The following BRINP3 variants were observed in gnomAD, a reference collection of about 807,000 sequenced individuals.
The protein encoded by BRINP3 is BMP/retinoic acid-inducible neural-specific protein 3.
BRINP3 carries 19 observed loss-of-function variants against 71.0 expected under a neutral mutation model. The ratio of observed to expected loss-of-function variants is 0.27; its 90% CI spans 0.19 to 0.39. The LOEUF (loss-of-function observed/expected upper bound fraction) is 0.39. Ranked by LOEUF, BRINP3 falls within the 10% of genes least tolerant of loss-of-function variation. The probability of loss-of-function intolerance (pLI) is 1.00; values close to 1 mark genes in which losing one functional copy is unlikely to be tolerated. For missense variants in BRINP3, 959 were observed against 940.8 expected, an observed-to-expected ratio of 1.02 and a Z score of -0.25; for synonymous variants, 380 against 337.7, an observed-to-expected ratio of 1.13 and a Z score of -1.37.
At chr1:190,238,946 C>G (rs776607262) in intron 4 of BRINP3, among the ~76,000 whole-genome samples, 1 of 152,114 alleles carries the variant, frequency 6.6e-6, no homozygotes, top group Non-Finnish European at 1.5e-5. Context: ...TAGGTTTAAT[C>G]GACTTGCAGT....
At chr1:190,156,714 C>G (rs187891391) in intron 7 of BRINP3, among the ~76,000 whole-genome samples, 1 of 151,326 alleles carries the variant, frequency 6.6e-6, no homozygotes. Flanking sequence ...AGGAATTACG[C>G]TAAATTAAAA....
chr1:190,422,402 A>T lies in BRINP3; in HGVS notation c.236+32253T>A, dbSNP rs114216312. On this transcript the variant is annotated intron_variant, in intron 2 of 7. Transcript: ENST00000367462. ...ATTCTCTATGAACCTCAGAAAAGAC[A>T]TCAGAAAATTCAATCCTGTATTATT... Among the ~76,000 whole-genome samples, 106 of 151,998 alleles carry T rather than the reference A, an allele frequency of 7.0e-4. 5 individuals carry two copies. The highest frequency in any genetic ancestry group is 6.8e-3 in the Middle Eastern group (2 of 294).
At chr1:190,287,864 G>GA (rs1262741231) in intron 2 of BRINP3, among the ~76,000 whole-genome samples, 1 of 137,198 alleles carries the variant, frequency 7.3e-6, no homozygotes, top group Non-Finnish European at 1.7e-5. Flanking sequence ...TTAGGGCTTT[G>GA]AAATTACTGA....
chr1:190,286,240 T>G (rs591273), intron 2 of BRINP3, among the ~76,000 whole-genome samples: 58,377 of 151,990 alleles, frequency 0.38, 12,597 homozygotes, highest in Non-Finnish European at 0.49. Context: ...ACAACGTTAA[T>G]TTTTCTACAA....
At chr1:190,449,113 C>T (rs1200786919) in intron 2 of BRINP3, among the ~76,000 whole-genome samples, 36 of 151,928 alleles carry the variant, frequency 2.4e-4, no homozygotes. Flanking sequence ...ACTGTCTCTT[C>T]CAAGAATTAT....
In BRINP3 at chr1:190,398,385, A is replaced by G. The variant is rs138813653; in HGVS notation, c.236+56270T>C. Among the ~76,000 whole-genome samples, 10 of 152,132 alleles carry G rather than the reference A, an allele frequency of 6.6e-5. No homozygotes were observed. The East Asian group carries it at 1.9e-3, about 29-fold the overall frequency. ...TACACTGAATATTTGAATTCATAGG[A>G]GGGATGATGTAAAATTCTGAATAAC... On this transcript the variant is annotated intron_variant, in intron 2 of 7. Transcript: ENST00000367462.
Position 190,193,056 on chromosome 1 carries a change from C to T in BRINP3, c.962-32166G>A, listed in dbSNP as rs565680734. 1.7e-4 allele frequency among the ~76,000 whole-genome samples: 26 copies of T among 152,126 alleles called. No homozygotes were observed. In the South Asian group the frequency reaches 5.2e-3, roughly 30 times the overall value. On this transcript the variant is annotated intron_variant, in intron 6 of 7. Transcript: ENST00000367462. Reference sequence around the variant, plus strand: ...AAAGTAAAGATGAATGACTCCAAGGCAATCCAAATGTTCTTATTGTTAATT... The same window carrying T: ...AAAGTAAAGATGAATGACTCCAAGGTAATCCAAATGTTCTTATTGTTAATT...
intron 2 of BRINP3, among the ~76,000 whole-genome samples, chr1:190,399,765 A>G (rs1174363609): frequency 6.6e-6 from 1 of 151,996 alleles, no homozygotes; most frequent in Non-Finnish European, 1.5e-5. Flanking sequence ...AATTTAGTCT[A>G]TTACAATTTC....
At chr1:190,334,055 C>T (rs1667133406) in intron 2 of BRINP3, among the ~76,000 whole-genome samples, 1 of 151,762 alleles carries the variant, frequency 6.6e-6, no homozygotes, top group Non-Finnish European at 1.5e-5. Context: ...CACATTTTCA[C>T]CTCACATTTA....
intron 2 of BRINP3, among the ~76,000 whole-genome samples, chr1:190,330,859 C>T (rs910641446): frequency 6.6e-6 from 1 of 151,896 alleles, no homozygotes; most frequent in Non-Finnish European, 1.5e-5. Context: ...GTCTATTGTC[C>T]TAAGTAATGC....
At chr1:190,403,737 G>A (rs1672087665) in intron 2 of BRINP3, among the ~76,000 whole-genome samples, 1 of 152,154 alleles carries the variant, frequency 6.6e-6, no homozygotes, top group Non-Finnish European at 1.5e-5. Flanking sequence ...AATATTTTGA[G>A]CTTCTTCTAG....
intron 2 of BRINP3, among the ~76,000 whole-genome samples, chr1:190,305,399 C>G (rs933459886): frequency 6.6e-6 from 1 of 151,638 alleles, no homozygotes; most frequent in African/African-American, 2.4e-5. Context: ...GGCATTTATA[C>G]ACAGTAGAAT....
rs61818807 is a variant in BRINP3 at position 190,439,102 on chromosome 1, G to A, written c.236+15553C>T. On this transcript the variant is annotated intron_variant, in intron 2 of 7. Coordinates refer to ENST00000367462, the MANE Select transcript of BRINP3 (RefSeq NM_199051.3). ...TGTCTATGTGGGAGATGACCCAAAA[G>A]GCGAGAGGCGTAGGTGAGTACGTTT... 9.9e-5 allele frequency among the ~76,000 whole-genome samples: 15 copies of A among 151,938 alleles called. No individual in the cohort carries two copies. The East Asian group carries it at 2.7e-3, about 27-fold the overall frequency.
intron 2 of BRINP3, among the ~76,000 whole-genome samples, chr1:190,365,984 C>A (rs762591628): frequency 6.6e-6 from 1 of 151,622 alleles, no homozygotes; most frequent in African/African-American, 2.4e-5. Flanking sequence ...TAACACAAAC[C>A]TTCCCCTGAG....
chr1:190,460,603 C>A (rs1480258908), intron 1 of BRINP3, among the ~76,000 whole-genome samples: 3 of 152,082 alleles, frequency 2.0e-5, no homozygotes, highest in Non-Finnish European at 4.4e-5. Flanking sequence ...CAGAGGTGGG[C>A]CTTAAGTCTT....
chr1:190,455,775 A>C (rs1675942265), intron 1 of BRINP3, among the ~76,000 whole-genome samples: 1 of 152,198 alleles, frequency 6.6e-6, no homozygotes, highest in Non-Finnish European at 1.5e-5. Context: ...AATGCAGACT[A>C]TTCATAGACT....
chr1:190,327,256 A>G (rs1666643600), intron 2 of BRINP3, among the ~76,000 whole-genome samples: 1 of 137,594 alleles, frequency 7.3e-6, no homozygotes, highest in Admixed American at 8.0e-5. Context: ...CGGAGGTTGC[A>G]GGGAGTCAAG....
Position 190,297,808 on chromosome 1 carries a change from G to T in BRINP3, c.237-16058C>A, listed in dbSNP as rs897317423. On this transcript the variant is annotated intron_variant, in intron 2 of 7. Coordinates refer to ENST00000367462, the MANE Select transcript of BRINP3 (RefSeq NM_199051.3). ...TGTGTGTGTGTGTGTGTGTGTGCGT[G>T]TGTGTACCTGTGTGTGTGTGCATGC... is the stretch of plus-strand genomic sequence containing the variant. Among the ~76,000 whole-genome samples the T allele has an allele frequency of 2.6e-5, 4 of 151,564 alleles. No homozygotes were observed. The East Asian group carries it at 5.8e-4, about 22-fold the overall frequency.
At chr1:190,431,523 A>G (rs759670047) in intron 2 of BRINP3, among the ~76,000 whole-genome samples, 3 of 151,818 alleles carry the variant, frequency 2.0e-5, no homozygotes, top group Non-Finnish European at 4.4e-5. Flanking sequence ...TGCCCAGATA[A>G]TTTTTGTATT....
Sources: allele counts gnomAD v4.1 joint callset (sites outside exome capture counted in the v4.1 genomes callset), GRCh38; gene constraint gnomAD v4.1.1; transcripts MANE v1.5; gene names NCBI Gene and HGNC (gene_info 2026-07-23, HGNC 2026-07-21).